Variants in MIS18A observed in about 807,000 individuals in gnomAD.
MIS18A encodes MIS18 kinetochore protein A, also known as protein Mis18-alpha.
Under a neutral mutation model 25.0 loss-of-function variants are expected in MIS18A, and 14 were observed. That is an observed-to-expected ratio of 0.56 (90% CI 0.37 to 0.88). The LOEUF (loss-of-function observed/expected upper bound fraction) is 0.88, where lower values mean the gene tolerates loss of function less well. MIS18A is among the 40% of genes least tolerant of loss of function. The pLI, the probability that MIS18A is intolerant of heterozygous loss-of-function variation, is 0.00. For synonymous variants in MIS18A, 134 were observed against 118.6 expected (o/e 1.13, Z -0.84); for missense variants, 292 against 290.8 (o/e 1.00, Z -0.03).
the MIS18A span, among the ~76,000 whole-genome samples, chr21:32,162,756 G>A: frequency 5.3e-5 from 8 of 152,230 alleles, no homozygotes; most frequent in African/African-American, 1.4e-4. Context: ...AGTAAATATG[G>A]AAGAGTATAT....
the MIS18A span, among the ~76,000 whole-genome samples, chr21:32,211,243 G>T: frequency 6.6e-6 from 1 of 152,168 alleles, no homozygotes; most frequent in East Asian, 1.9e-4. Context: ...GTTTCAACAT[G>T]TTGGTCAGGC....
chr21:32,188,184 A>G, the MIS18A span, among the ~76,000 whole-genome samples: 1 of 152,258 alleles, frequency 6.6e-6, no homozygotes, highest in Non-Finnish European at 1.5e-5. Flanking sequence ...TAAGCCACCC[A>G]ATCTGTGGTA....
chr21:32,241,810 G>A, the MIS18A span, among the ~76,000 whole-genome samples: 1 of 152,220 alleles, frequency 6.6e-6, no homozygotes, highest in Admixed American at 6.5e-5. Context: ...TTGTCCCACA[G>A]AAGACTCAAA....
chr21:32,194,112 A>G, the MIS18A span, among the ~76,000 whole-genome samples: 2 of 152,116 alleles, frequency 1.3e-5, no homozygotes, highest in African/African-American at 4.8e-5. Flanking sequence ...AAATTTGGGC[A>G]CCAATATTTC....
At chr21:32,245,512 G>T in the MIS18A span, among the ~76,000 whole-genome samples, 1 of 152,150 alleles carries the variant, frequency 6.6e-6, no homozygotes, top group Non-Finnish European at 1.5e-5. Flanking sequence ...CTTCCAGGAG[G>T]GAAGGCTCTA....
chr21:32,196,288 C>G, the MIS18A span, among the ~76,000 whole-genome samples: 1 of 152,086 alleles, frequency 6.6e-6, no homozygotes, highest in Non-Finnish European at 1.5e-5. Flanking sequence ...TATCTTCAAG[C>G]TGAGACATTT....
At chr21:32,202,706 T>C in the MIS18A span, among the ~76,000 whole-genome samples, 3 of 152,352 alleles carry the variant, frequency 2.0e-5, no homozygotes, top group East Asian at 1.9e-4. Flanking sequence ...CTGGAGACTT[T>C]ACCTAAGTGA....
the MIS18A span, among the ~76,000 whole-genome samples, chr21:32,240,753 C>A: frequency 7.1e-6 from 1 of 141,354 alleles, no homozygotes; most frequent in Non-Finnish European, 1.5e-5. Context: ...GCCACAGACA[C>A]TGACGCCCAA....
At chr21:32,207,409 AC>A in the MIS18A span, among the ~76,000 whole-genome samples, 1 of 152,342 alleles carries the variant, frequency 6.6e-6, no homozygotes, top group Non-Finnish European at 1.5e-5. Flanking sequence ...TATACCATGC[AC>A]ATGTGATACC....
the MIS18A span, among the ~76,000 whole-genome samples, chr21:32,186,119 A>T: frequency 6.6e-6 from 1 of 152,178 alleles, no homozygotes; most frequent in African/African-American, 2.4e-5. Context: ...GTGAAGGTCC[A>T]AATTATGGCA....
At chr21:32,183,393 A>G in the MIS18A span, among the ~76,000 whole-genome samples, 1 of 152,196 alleles carries the variant, frequency 6.6e-6, no homozygotes, top group Non-Finnish European at 1.5e-5. Flanking sequence ...ATATACTGAA[A>G]ACATCATGAT....
the MIS18A span, among the ~76,000 whole-genome samples, chr21:32,190,714 G>A: frequency 2.0e-4 from 30 of 152,178 alleles, no homozygotes; most frequent in African/African-American, 7.2e-4. Context: ...GGAGCAGATG[G>A]CATGTGACTG....
At chr21:32,220,366 C>T in the MIS18A span, among the ~76,000 whole-genome samples, 4 of 152,204 alleles carry the variant, frequency 2.6e-5, no homozygotes, top group Non-Finnish European at 2.9e-5. Flanking sequence ...GCAAACTCCA[C>T]CAGACCTGCA....
the MIS18A span, among the ~76,000 whole-genome samples, chr21:32,214,350 C>G: frequency 7.1e-4 from 108 of 152,300 alleles, no homozygotes; most frequent in African/African-American, 2.6e-3. Flanking sequence ...AAAATTCTGA[C>G]AAAGTCACTT....
At chr21:32,255,891 A>G in the MIS18A span, among the ~76,000 whole-genome samples, 1 of 141,658 alleles carries the variant, frequency 7.1e-6, no homozygotes, top group South Asian at 2.2e-4. Context: ...ACTCTGTCCC[A>G]AAAAAAAAAA....
the MIS18A span, among the ~76,000 whole-genome samples, chr21:32,186,276 T>C: frequency 6.6e-6 from 1 of 152,230 alleles, no homozygotes; most frequent in South Asian, 2.1e-4. Flanking sequence ...GTCTATCCTG[T>C]ACCAAATAAC....
chr21:32,277,235 T>C (rs2031830736), intron 1 of MIS18A, among the ~76,000 whole-genome samples: 1 of 152,304 alleles, frequency 6.6e-6, no homozygotes, highest in African/African-American at 2.4e-5. Flanking sequence ...ATGTTTTAAA[T>C]TTAAAAGCTA....
At chr21:32,156,384 T>C in the MIS18A span, 4 of 152,196 alleles carry the variant, frequency 2.6e-5, no homozygotes, top group African/African-American at 9.7e-5. Flanking sequence ...AATACCTCAG[T>C]TGTTGTTATT....
At chr21:32,249,058 C>G in the MIS18A span, among the ~76,000 whole-genome samples, 1 of 152,148 alleles carries the variant, frequency 6.6e-6, no homozygotes, top group Non-Finnish European at 1.5e-5. Context: ...AACCTAAGAG[C>G]ACTTGCATAG....
Sources: allele counts gnomAD v4.1 joint callset (sites outside exome capture counted in the v4.1 genomes callset), GRCh38; gene constraint gnomAD v4.1.1; transcripts MANE v1.5; gene names NCBI Gene and HGNC (gene_info 2026-07-23, HGNC 2026-07-21).